The following HELLS variants were observed in gnomAD, a reference collection of about 807,000 sequenced individuals.
HELLS encodes the protein helicase, lymphoid specific, also known as lymphoid-specific helicase.
HELLS carries 32 observed loss-of-function variants against 120.0 expected under a neutral mutation model. The observed-to-expected ratio is 0.27, with a 90% confidence interval of 0.20 to 0.36. The LOEUF is 0.36. HELLS is among the 10% of genes least tolerant of loss of function. The pLI is 1.00. For missense variants in HELLS, 650 were observed against 993.4 expected, an observed-to-expected ratio of 0.65 and a Z score of 4.65; for synonymous variants, 341 against 323.4, an observed-to-expected ratio of 1.05 and a Z score of -0.58.
chr10:94,592,492 C>G lies in HELLS; in HGVS notation c.1949C>G (p.Ser650Cys). ...TTCAGCAGGCTTGATGGGTCCATGT[C>G]TTACTCAGAGAGAGAAAAAAACGTA... Reference protein sequence around the residue: ...FNFSRLDGSMSYSEREKNMHS... With the variant: ...FNFSRLDGSMCYSEREKNMHS... Residue 650 changes from serine (S) to cysteine (C), a missense_variant, in exon 17 of 22, where the codon TCT (serine) becomes TGT (cysteine). Around this residue, in one of 9 missense-constraint regions of HELLS, gnomAD observed 191 missense variants for 259.7 expected, o/e 0.74. Coordinates refer to ENST00000348459, the MANE Select transcript of HELLS (RefSeq NM_018063.5). 1 of 1,501,984 alleles carries G rather than the reference C, an allele frequency of 6.7e-7. No homozygotes were observed. Among genetic ancestry groups the G allele is most frequent in the South Asian group, 1.4e-5 (1 of 69,706 alleles). The allele number at this position is 1,501,984 out of a possible 1,614,324, so 93.0% of individuals were successfully genotyped here.
At chr10:94,555,393 C>T (rs1843204045) in intron 3 of HELLS, among the ~76,000 whole-genome samples, 1 of 152,044 alleles carries the variant, frequency 6.6e-6, no homozygotes, top group Non-Finnish European at 1.5e-5. Context: ...GCCGAGATTG[C>T]ACCCCTGGAC....
chr10:94,581,694 T>C (rs1284804151), intron 11 of HELLS, among the ~76,000 whole-genome samples, 172 bp downstream of exon 11: 1 of 152,212 alleles, frequency 6.6e-6, no homozygotes, highest in Non-Finnish European at 1.5e-5. Context: ...TAAGAAAAGA[T>C]TATTTAAAAC....
chr10:94,563,694 T>G (rs1368640958), intron 6 of HELLS, among the ~76,000 whole-genome samples: 3 of 152,140 alleles, frequency 2.0e-5, no homozygotes, highest in Admixed American at 6.5e-5. Flanking sequence ...TGTCATATGT[T>G]GCCTAGGCTG....
chr10:94,559,920 A>G (rs978104424), intron 4 of HELLS, among the ~76,000 whole-genome samples: 10 of 152,236 alleles, frequency 6.6e-5, no homozygotes, highest in African/African-American at 2.4e-4. Flanking sequence ...ATTTTATCGA[A>G]CCACAAGTAC....
At chr10:94,562,168 C>G (rs1392510647) in intron 4 of HELLS, among the ~76,000 whole-genome samples, 1 of 151,808 alleles carries the variant, frequency 6.6e-6, no homozygotes, top group Non-Finnish European at 1.5e-5. Flanking sequence ...CTTGGGGAGG[C>G]CTAGGCGGGC....
exon 10 of HELLS, chr10:94,611,097 T>G (rs943377788): frequency 3.9e-5 from 6 of 152,206 alleles, no homozygotes; most frequent in Non-Finnish European, 1.5e-5. Flanking sequence ...TCTGAGTAAT[T>G]AGAAGTGTTC....
chr10:94,549,994 C>CAA (rs1842905400), intron 2 of HELLS, among the ~76,000 whole-genome samples: 1 of 152,150 alleles, frequency 6.6e-6, no homozygotes, highest in Admixed American at 6.5e-5. Flanking sequence ...AGTCTCGGCT[C>CAA]ACTGCAACCT....
exon 10 of HELLS, chr10:94,611,145 C>T (rs1009633792): frequency 1.3e-5 from 2 of 152,054 alleles, no homozygotes; most frequent in Admixed American, 6.5e-5. Context: ...ATGATTTCTT[C>T]GTTTTTGTAC....
intron 7 of HELLS, among the ~76,000 whole-genome samples, chr10:94,572,072 T>C (rs971462352): frequency 1.3e-5 from 2 of 152,206 alleles, no homozygotes; most frequent in Non-Finnish European, 2.9e-5. Context: ...TTTGGTCATA[T>C]AATTTTGTCC....
At chr10:94,575,767 GTGTTT>G (rs1844428982) in intron 9 of HELLS, among the ~76,000 whole-genome samples, 41 of 95,438 alleles carry the variant, frequency 4.3e-4, no homozygotes, top group South Asian at 1.7e-3. Context: ...GGGGGGGGTT[GTGTTT>G]GTGTGTGTGT....
At chr10:94,566,167 C>T (rs1843787452) in intron 6 of HELLS, among the ~76,000 whole-genome samples, 1 of 152,094 alleles carries the variant, frequency 6.6e-6, no homozygotes, top group East Asian at 1.9e-4. Context: ...CAGGTCTGAG[C>T]CACTGTGTCC....
At chr10:94,609,952 G>C (rs1846172202) in exon 10 of HELLS, 1 of 152,142 alleles carries the variant, frequency 6.6e-6, no homozygotes, top group South Asian at 2.1e-4. Context: ...ATTGAGGTCT[G>C]AGCAGACCTG....
chr10:94,592,302 G>A lies in HELLS; in HGVS notation c.1841G>A (p.Arg614Lys), dbSNP rs1359668506. 2 of 1,609,750 alleles carry A rather than the reference G, an allele frequency of 1.2e-6. No individual in the cohort carries two copies. Among genetic ancestry groups the A allele is most frequent in the Admixed American group, 1.7e-5 (1 of 59,588 alleles). The change falls in exon 16 of 22, where the codon AGA (arginine) becomes AAA (lysine). Residue 614 changes from arginine (R) to lysine (K), a missense_variant. Physicochemically the swap from Arg to Lys is conservative, Grantham distance 26. Coordinates refer to ENST00000348459, the MANE Select transcript of HELLS (RefSeq NM_018063.5). ...CGAATGCTGCCAGAACTAAAAAAAA[G>A]AGGTCACAAGGTGGTACTTTTGATT... Reference protein sequence around the residue: ...LDRMLPELKKRGHKVLLFSQM... With the variant: ...LDRMLPELKKKGHKVLLFSQM...
At chr10:94,586,273 A>G (rs58379091) in intron 12 of HELLS, among the ~76,000 whole-genome samples, 1,811 of 152,136 alleles carry the variant, frequency 0.012, 54 homozygotes, top group African/African-American at 0.042. Flanking sequence ...GGCGCCTGCC[A>G]CTACGCCTGG....
chr10:94,590,237 C>T (rs1255045204), intron 13 of HELLS, among the ~76,000 whole-genome samples, 176 bp from the exon 14 acceptor site: 1 of 152,118 alleles, frequency 6.6e-6, no homozygotes, highest in African/African-American at 2.4e-5. Flanking sequence ...TATGAAGGCC[C>T]TTCCTCTTAC....
intron 6 of HELLS, 52 bp from the exon 7 acceptor site, chr10:94,571,336 A>G: frequency 3.7e-6 from 5 of 1,334,572 alleles, no homozygotes; most frequent in Non-Finnish European, 5.2e-6. Context: ...GAATAAATAA[A>G]TAAATGAACT....
At chr10:94,593,790 G>A (rs894554394) in intron 18 of HELLS, among the ~76,000 whole-genome samples, 175 bp downstream of exon 18, 7 of 151,730 alleles carry the variant, frequency 4.6e-5, no homozygotes, top group African/African-American at 1.5e-4. Context: ...AGCCCCCTGA[G>A]TAGCTGTGAC....
chr10:94,603,110 A>T (rs1272193742), downstream of HELLS, among the ~76,000 whole-genome samples: 7 of 152,142 alleles, frequency 4.6e-5, no homozygotes, highest in Non-Finnish European at 8.8e-5. Flanking sequence ...GCCCTTTATT[A>T]TATACTGCGG....
intron 6 of HELLS, chr10:94,569,056 T>G (rs1186299687): frequency 6.6e-6 from 1 of 152,212 alleles, no homozygotes; most frequent in East Asian, 1.9e-4. Flanking sequence ...GTCAGGCTGG[T>G]CTTGAACTCC....
Sources: gnomAD v4.1 joint callset for allele counts (sites outside exome capture counted in the v4.1 genomes callset) on GRCh38, gnomAD v4.1.1 for gene constraint, gnomAD v4.1.1 regional missense constraint, MANE v1.5 for transcripts, NCBI Gene and HGNC (gene_info 2026-07-23, HGNC 2026-07-21) for gene names.